The following CAST variants were observed in gnomAD, a reference collection of about 807,000 sequenced individuals.
CAST encodes MIR583 host.
In CAST, 76 loss-of-function variants were observed where a neutral mutation model predicts 119.6. That is an observed-to-expected ratio of 0.64 (90% CI 0.53 to 0.77). CAST has a LOEUF of 0.77. Ranked by LOEUF, CAST falls within the 30% of genes least tolerant of loss-of-function variation. The pLI is 0.00. For missense variants in CAST, 953 were observed against 946.5 expected (o/e 1.01, Z -0.09); for synonymous variants, 319 against 331.6 (o/e 0.96, Z 0.41).
At chr5:96,574,549 A>C (rs951167544) in intron 1 of CAST, among the ~76,000 whole-genome samples, 1 of 152,162 alleles carries the variant, frequency 6.6e-6, no homozygotes, top group African/African-American at 2.4e-5. Context: ...GATGAAGTTC[A>C]ATGCATCAAT....
At chr5:96,393,210 G>A in the CAST span, 2 of 1,614,104 alleles carry the variant, frequency 1.2e-6, no homozygotes, top group East Asian at 2.2e-5. Flanking sequence ...GACTTCTTTG[G>A]TGATTGCTTT....
At chr5:96,460,562 G>T in the CAST span, among the ~76,000 whole-genome samples, 1 of 128,720 alleles carries the variant, frequency 7.8e-6, no homozygotes, top group South Asian at 2.3e-4. Flanking sequence ...TAAATTCTAA[G>T]TACAAAAAAA....
intron 1 of CAST, among the ~76,000 whole-genome samples, chr5:96,636,940 G>C (rs1365757499): frequency 3.3e-5 from 5 of 151,404 alleles, no homozygotes; most frequent in African/African-American, 4.9e-5. Flanking sequence ...GTTGGGGGAG[G>C]TGGAGGTGCA....
chr5:96,196,196 T>C, the CAST span, among the ~76,000 whole-genome samples: 2 of 152,228 alleles, frequency 1.3e-5, no homozygotes, highest in Admixed American at 6.5e-5. Flanking sequence ...CATCAATCAA[T>C]TGAATATCTA....
chr5:96,095,481 C>T, the CAST span, among the ~76,000 whole-genome samples: 1 of 139,946 alleles, frequency 7.1e-6, no homozygotes, highest in Non-Finnish European at 1.5e-5. Context: ...GGATCATTTG[C>T]ACTCAAGAGT....
At chr5:96,603,368 T>TATAAG (rs1158065116) in intron 1 of CAST, among the ~76,000 whole-genome samples, 3 of 152,198 alleles carry the variant, frequency 2.0e-5, no homozygotes, top group African/African-American at 7.2e-5. Context: ...AATCATATCT[T>TATAAG]ATAAGCTTTT....
At chr5:96,186,889 C>T in the CAST span, among the ~76,000 whole-genome samples, 1 of 152,140 alleles carries the variant, frequency 6.6e-6, no homozygotes, top group African/African-American at 2.4e-5. Context: ...GGAGTCCCTC[C>T]TTTTCAATTA....
the CAST span, among the ~76,000 whole-genome samples, chr5:96,040,009 G>T: frequency 6.6e-6 from 1 of 152,152 alleles, no homozygotes; most frequent in African/African-American, 2.4e-5. Context: ...CATGAGCATG[G>T]AATGTTTTTA....
chr5:96,576,246 C>T (rs1274628180), intron 1 of CAST, among the ~76,000 whole-genome samples: 1 of 152,080 alleles, frequency 6.6e-6, no homozygotes, highest in Admixed American at 6.6e-5. Flanking sequence ...AAAAGTGTTC[C>T]TTCTTCTATT....
intron 1 of CAST, among the ~76,000 whole-genome samples, chr5:96,667,052 G>A (rs542086154): frequency 4.5e-4 from 69 of 152,158 alleles, no homozygotes; most frequent in East Asian, 1.9e-4. Context: ...CCATAAAGGC[G>A]GGGGGCAGGG....
the CAST span, among the ~76,000 whole-genome samples, chr5:96,102,045 G>A: frequency 6.6e-6 from 1 of 152,210 alleles, no homozygotes; most frequent in Non-Finnish European, 1.5e-5. Flanking sequence ...TAGCTCTGCT[G>A]TCTGTGGACA....
intron 10 of CAST, among the ~76,000 whole-genome samples, chr5:96,736,855 T>C (rs1287368615): frequency 6.6e-6 from 1 of 152,210 alleles, no homozygotes; most frequent in Admixed American, 6.5e-5. Context: ...TACACTGTTA[T>C]AAAGAACTTC....
At chr5:96,310,847 A>G in the CAST span, among the ~76,000 whole-genome samples, 1 of 145,750 alleles carries the variant, frequency 6.9e-6, no homozygotes, top group East Asian at 2.0e-4. Flanking sequence ...AGGTTTGTAA[A>G]TTATGTCTTC....
chr5:96,125,491 T>A, the CAST span, among the ~76,000 whole-genome samples: 1 of 152,166 alleles, frequency 6.6e-6, no homozygotes, highest in South Asian at 2.1e-4. Context: ...TGTGCAGCAA[T>A]GTCAAAGGGC....
At chr5:96,063,810 C>T in the CAST span, among the ~76,000 whole-genome samples, 1 of 152,114 alleles carries the variant, frequency 6.6e-6, no homozygotes, top group South Asian at 2.1e-4. Context: ...GTTTAGGTGC[C>T]TTTCTGAATT....
At chr5:96,556,116 C>G (rs959221530) in intron 1 of CAST, among the ~76,000 whole-genome samples, 4 of 152,286 alleles carry the variant, frequency 2.6e-5, no homozygotes, top group African/African-American at 9.6e-5. Context: ...GAGTGGACCT[C>G]CAGAAAACTC....
chr5:96,064,631 T>C, the CAST span, among the ~76,000 whole-genome samples: 3 of 152,188 alleles, frequency 2.0e-5, no homozygotes, highest in Non-Finnish European at 1.5e-5. Flanking sequence ...TGTCCAGTTA[T>C]GAAACTTTTC....
the CAST span, among the ~76,000 whole-genome samples, chr5:96,434,566 G>C: frequency 3.4e-4 from 51 of 152,222 alleles, no homozygotes; most frequent in East Asian, 9.3e-3. Context: ...TAAAATCGCC[G>C]GGAGGTGGAA....
the CAST span, among the ~76,000 whole-genome samples, chr5:96,333,487 T>C: frequency 6.6e-6 from 1 of 152,092 alleles, no homozygotes; most frequent in Non-Finnish European, 1.5e-5. Context: ...CCATGAGCCT[T>C]CTCACCTTTT....
Sources: gnomAD v4.1 joint callset for allele counts (sites outside exome capture counted in the v4.1 genomes callset) on GRCh38, gnomAD v4.1.1 for gene constraint, MANE v1.5 for transcripts, NCBI Gene and HGNC (gene_info 2026-07-23, HGNC 2026-07-21) for gene names.